Variants in EML6 observed in about 807,000 individuals in gnomAD.
EML6 encodes echinoderm microtubule-associated protein-like 6.
Under a neutral mutation model 240.1 loss-of-function variants are expected in EML6, and 154 were observed. That is an observed-to-expected ratio of 0.64 (90% CI 0.56 to 0.73). EML6 has a LOEUF of 0.73. EML6 is among the 30% of genes least tolerant of loss of function. The pLI is 0.00. For missense variants in EML6, 2,964 were observed against 2,474.6 expected, an observed-to-expected ratio of 1.20 and a Z score of -4.20; for synonymous variants, 1,148 against 899.0, an observed-to-expected ratio of 1.28 and a Z score of -4.95.
chr2:54,945,359 G>A (rs541991379), intron 28 of EML6, among the ~76,000 whole-genome samples: 12 of 140,908 alleles, frequency 8.5e-5, no homozygotes, highest in South Asian at 4.7e-4. Flanking sequence ...AGCATTTTAT[G>A]CCACATTTTG....
intron 28 of EML6, among the ~76,000 whole-genome samples, chr2:54,934,150 A>C (rs1021759750): frequency 2.6e-5 from 4 of 152,230 alleles, no homozygotes; most frequent in African/African-American, 9.6e-5. Context: ...ACCAGCAGTC[A>C]GGATATAAAG....
chr2:54,742,552 T>C lies in EML6; in HGVS notation c.197+17294T>C, dbSNP rs574892669. Among the ~76,000 whole-genome samples the C allele has an allele frequency of 3.9e-5, 6 of 152,306 alleles. No homozygotes were observed. The East Asian group carries it at 7.7e-4, about 20-fold the overall frequency. On this transcript the variant is annotated intron_variant, in intron 2 of 41. Coordinates refer to ENST00000356458, the MANE Select transcript of EML6 (RefSeq NM_001039753.4). ...ACACGTCTCAATTCTGCTATGACTT[T>C]CCATTTGTGTGTCTCTCCACCCCAG...
At chr2:54,744,702 G>C (rs73934815) in intron 2 of EML6, among the ~76,000 whole-genome samples, 5,660 of 151,942 alleles carry the variant, frequency 0.037, 366 homozygotes, top group African/African-American at 0.13. Context: ...AGGGGAGAGA[G>C]GGACCGAGGA....
intron 28 of EML6, among the ~76,000 whole-genome samples, chr2:54,938,803 G>A (rs1002005528): frequency 6.6e-6 from 1 of 152,160 alleles, no homozygotes; most frequent in Admixed American, 6.5e-5. Context: ...GTTCTGTTTT[G>A]CCAAGTCTGA....
intron 2 of EML6, among the ~76,000 whole-genome samples, chr2:54,801,955 C>A (rs978170826): frequency 6.6e-6 from 1 of 152,160 alleles, no homozygotes; most frequent in Non-Finnish European, 1.5e-5. Context: ...GAGTTCGTGA[C>A]AGGAATTTTG....
At chr2:54,767,286 A>AG (rs1223185935) in intron 2 of EML6, among the ~76,000 whole-genome samples, 1 of 152,220 alleles carries the variant, frequency 6.6e-6, no homozygotes, top group East Asian at 1.9e-4. Flanking sequence ...ACCTACAGCC[A>AG]GGGAAAAAAT....
chr2:54,900,799 C>CA (rs911448023), intron 22 of EML6, among the ~76,000 whole-genome samples: 15 of 151,834 alleles, frequency 9.9e-5, no homozygotes, highest in Admixed American at 8.5e-4. Context: ...TGGACAAGGG[C>CA]AAAAAGGGGA....
intron 36 of EML6, 21 bp from the exon 37 acceptor site, chr2:54,963,965 C>G: frequency 6.5e-7 from 1 of 1,540,664 alleles, no homozygotes; most frequent in Non-Finnish European, 8.8e-7. Context: ...GCTCAGGTGA[C>G]TTTCCTTTGC....
chr2:54,766,120 G>C (rs1285444250), intron 2 of EML6, among the ~76,000 whole-genome samples: 1 of 152,126 alleles, frequency 6.6e-6, no homozygotes, highest in Non-Finnish European at 1.5e-5. Context: ...AGCCACTTGA[G>C]AGTAAGTTGC....
intron 7 of EML6, among the ~76,000 whole-genome samples, chr2:54,834,691 C>G (rs1256543994): frequency 6.6e-6 from 1 of 152,158 alleles, no homozygotes; most frequent in African/African-American, 2.4e-5. Context: ...ACTATAAACT[C>G]CGCATCCAGA....
In EML6 at chr2:54,962,676, G is replaced by C; in HGVS notation, c.5122G>C (p.Asp1708His). The C allele has an allele frequency of 1.3e-6, 2 of 1,527,340 alleles. No individual in the cohort carries two copies. Among genetic ancestry groups the C allele is most frequent in the Non-Finnish European group, 1.8e-6 (2 of 1,134,978 alleles). The allele number at this position is 1,527,340 out of a possible 1,614,324, so 94.6% of individuals were successfully genotyped here. Residue 1708 changes from aspartate (D) to histidine (H), a missense_variant, in exon 36 of 42, where the codon GAT (aspartate) becomes CAT (histidine). Coordinates refer to ENST00000356458, the MANE Select transcript of EML6 (RefSeq NM_001039753.4). ...GGACCTCTTCATCTCTGCCAGCAAC[G>C]ATGGCACAGCCCGGATCTGGGACCT... ...SKDLFISASN[D>H]GTARIWDLAD...
In EML6 at chr2:54,858,293, T is replaced by C. The variant is rs527789911; in HGVS notation, c.1658-1241T>C. Reference sequence around the variant, plus strand: ...ATCTGCAGTACCTTTTATAACCTCCTCTTAGATGTCAGCTTCACTTTTGCC... The same window carrying C: ...ATCTGCAGTACCTTTTATAACCTCCCCTTAGATGTCAGCTTCACTTTTGCC... On this transcript the variant is annotated intron_variant, in intron 11 of 41. Transcript: ENST00000356458. Among the ~76,000 whole-genome samples, 11 of 152,346 alleles carry C rather than the reference T, an allele frequency of 7.2e-5. No homozygotes were observed. In the South Asian group the frequency reaches 2.3e-3, roughly 32 times the overall value.
At position 54,964,721 on chromosome 2, in the gene EML6, C is replaced by G. The variant is rs539709209; in HGVS notation, c.5481C>G (p.Gly1827=). Residue 1827 remains glycine, a synonymous_variant, in exon 38 of 42, where the codon GGC becomes GGG. Coordinates refer to ENST00000356458, the MANE Select transcript of EML6 (RefSeq NM_001039753.4). ...TTCAGATGGATTTTTCTGCGGATGGCAAATACATTCAGGTATGCTTGGGGT... is the reference window on the plus strand; with the variant it reads ...TTCAGATGGATTTTTCTGCGGATGGGAAATACATTCAGGTATGCTTGGGGT... ...FVIQMDFSAD[G]KYIQVSTGAY... The G allele has an allele frequency of 6.4e-7, 1 of 1,551,850 alleles. No individual in the cohort carries two copies. The highest frequency in any genetic ancestry group is 8.7e-7 in the Non-Finnish European group (1 of 1,147,022).
chr2:54,818,006 T>C (rs1484360332), intron 4 of EML6, among the ~76,000 whole-genome samples: 1 of 138,418 alleles, frequency 7.2e-6, no homozygotes, highest in African/African-American at 2.5e-5. Context: ...TAGAATCCTC[T>C]GGGGAGACTT....
intron 11 of EML6, among the ~76,000 whole-genome samples, chr2:54,856,285 T>C (rs1490843731): frequency 6.6e-6 from 1 of 152,130 alleles, no homozygotes; most frequent in Non-Finnish European, 1.5e-5. Flanking sequence ...CGAGGTAAAA[T>C]CCAAGGCCTT....
In EML6 at chr2:54,871,682, C is replaced by T. The variant is rs781436424; in HGVS notation, c.2344+77C>T. 642 of 1,015,052 alleles carry T rather than the reference C, an allele frequency of 6.3e-4. 1 individual carries two copies. The highest frequency in any genetic ancestry group is 8.3e-4 in the Non-Finnish European group (546 of 658,610). The allele number at this position is 1,015,052 out of a possible 1,614,324, so 62.9% of individuals were successfully genotyped here. On this transcript the variant is annotated intron_variant, in intron 16 of 41. Coordinates refer to ENST00000356458, the MANE Select transcript of EML6 (RefSeq NM_001039753.4). ...ACAGAGAGAGTATGCCCCGCGCATG[C>T]GCGCACGCGTGTGTGTGTATTTAAA...
intron 2 of EML6, among the ~76,000 whole-genome samples, chr2:54,766,508 T>C (rs1362295657): frequency 6.6e-6 from 1 of 152,202 alleles, no homozygotes; most frequent in Non-Finnish European, 1.5e-5. Context: ...TGTATTCTTC[T>C]TAGTACATAA....
intron 2 of EML6, among the ~76,000 whole-genome samples, chr2:54,766,255 G>T (rs1668184138): frequency 2.6e-5 from 4 of 152,042 alleles, no homozygotes; most frequent in Non-Finnish European, 4.4e-5. Context: ...TAATATTTTG[G>T]CAATTGTCCC....
intron 2 of EML6, among the ~76,000 whole-genome samples, chr2:54,762,432 A>AT (rs923336891): frequency 6.6e-6 from 1 of 151,766 alleles, no homozygotes; most frequent in African/African-American, 2.4e-5. Flanking sequence ...TATAGTTACT[A>AT]TTTTTTTCTT....
Sources: allele counts gnomAD v4.1 joint callset (sites outside exome capture counted in the v4.1 genomes callset), GRCh38; gene constraint gnomAD v4.1.1; transcripts MANE v1.5; gene names NCBI Gene and HGNC (gene_info 2026-07-23, HGNC 2026-07-21).